DCDC2C: variants seen among roughly 807,000 people sequenced by gnomAD.
DCDC2C encodes the protein doublecortin domain-containing protein 2C.
In DCDC2C, 44 loss-of-function variants were observed where a neutral mutation model predicts 45.0. The observed-to-expected ratio is 0.98, with a 90% CI of 0.77 to 1.26. DCDC2C has a LOEUF of 1.26. Among genes scored for constraint, DCDC2C ranks in the 50% most tolerant of loss-of-function variants. The pLI, the probability that DCDC2C is intolerant of heterozygous loss-of-function variation, is 0.00. For synonymous variants in DCDC2C, 187 were observed against 178.8 expected (o/e 1.05, Z -0.37); for missense variants, 447 against 468.9 (o/e 0.95, Z 0.43).
chr2:3,800,996 G>T lies in DCDC2C; in HGVS notation c.1065+15896G>T, dbSNP rs573378860. 9.8e-5 allele frequency among the ~76,000 whole-genome samples: 15 copies of T among 152,314 alleles called. No individual in the cohort carries two copies. The South Asian group carries it at 1.5e-3, about 15-fold the overall frequency. ...CTGACCCCTGGAAGGAGAGGCAAAT[G>T]ACTCTTAGTTCTACAATGAGCATAG... On this transcript the variant is annotated intron_variant, in intron 10 of 10. Coordinates refer to ENST00000399143, the MANE Select transcript of DCDC2C (RefSeq NM_001287444.2).
chr2:3,786,888 G>A (rs1165886341), intron 10 of DCDC2C, among the ~76,000 whole-genome samples: 1 of 152,248 alleles, frequency 6.6e-6, no homozygotes, highest in Admixed American at 6.5e-5. Flanking sequence ...AATCAACGAG[G>A]CAATGGATTG....
intron 1 of DCDC2C, among the ~76,000 whole-genome samples, chr2:3,704,927 A>G (rs1294109241): frequency 6.6e-6 from 1 of 152,014 alleles, no homozygotes; most frequent in East Asian, 1.9e-4. Flanking sequence ...GCTTTCTGTG[A>G]TCTCAGCTGC....
At chr2:3,724,982 G>A (rs1668597924) in intron 2 of DCDC2C, among the ~76,000 whole-genome samples, 1 of 152,128 alleles carries the variant, frequency 6.6e-6, no homozygotes, top group African/African-American at 2.4e-5. Flanking sequence ...GTTGGGTCTG[G>A]GTTGGGAAGG....
At chr2:3,845,235 G>A (rs1007711434) in intron 10 of DCDC2C, among the ~76,000 whole-genome samples, 4 of 152,172 alleles carry the variant, frequency 2.6e-5, no homozygotes, top group Non-Finnish European at 5.9e-5. Context: ...GAACCGTGCT[G>A]GACACACAAA....
chr2:3,704,190 T>A (rs1052732911), intron 1 of DCDC2C, 152 bp downstream of exon 1: 13 of 708,748 alleles, frequency 1.8e-5, no homozygotes, highest in Non-Finnish European at 2.1e-5. Flanking sequence ...GCAGCCGGCG[T>A]CGGGCCGCCC....
intron 6 of DCDC2C, among the ~76,000 whole-genome samples, chr2:3,755,852 AT>A (rs955264401): frequency 4.0e-5 from 5 of 124,044 alleles, no homozygotes; most frequent in Admixed American, 1.7e-4. Flanking sequence ...GTATGGATGC[AT>A]ATGCATATGG....
At chr2:3,732,507 G>C (rs888330978) in intron 3 of DCDC2C, among the ~76,000 whole-genome samples, 33 of 152,228 alleles carry the variant, frequency 2.2e-4, no homozygotes, top group African/African-American at 7.0e-4. Flanking sequence ...GAACAAAACA[G>C]CACAAGGCCT....
At chr2:3,796,470 G>T (rs1438102942) in intron 10 of DCDC2C, among the ~76,000 whole-genome samples, 2 of 114,454 alleles carry the variant, frequency 1.7e-5, no homozygotes, top group Non-Finnish European at 3.5e-5. Flanking sequence ...AATGCTCCCA[G>T]TTTTTGCCCA....
At chr2:3,704,151 G>C (rs1405706638) in intron 1 of DCDC2C, 113 bp downstream of exon 1, 2 of 1,020,838 alleles carry the variant, frequency 2.0e-6, no homozygotes, top group Admixed American at 4.3e-5. Flanking sequence ...CTCCCGGCTC[G>C]GGCGCCCATC....
chr2:3,739,170 T>C (rs1669120589), intron 3 of DCDC2C, among the ~76,000 whole-genome samples: 1 of 152,180 alleles, frequency 6.6e-6, no homozygotes, highest in Admixed American at 6.5e-5. Context: ...AATGTGGAAA[T>C]CTAGAAAAGC....
chr2:3,844,628 C>G (rs1672284124), intron 10 of DCDC2C: 1 of 152,310 alleles, frequency 6.6e-6, no homozygotes, highest in African/African-American at 2.4e-5. Context: ...CATTTTTTCA[C>G]ATTATACTAA....
chr2:3,802,476 C>A (rs1266333787), intron 10 of DCDC2C, among the ~76,000 whole-genome samples: 3 of 152,142 alleles, frequency 2.0e-5, no homozygotes, highest in Non-Finnish European at 2.9e-5. Context: ...GTATAGGCTG[C>A]TATAGCAGAA....
chr2:3,846,861 G>A (rs1389138168), intron 10 of DCDC2C, among the ~76,000 whole-genome samples: 4 of 152,346 alleles, frequency 2.6e-5, no homozygotes, highest in East Asian at 1.9e-4. Context: ...AATGTGAAGC[G>A]TTGTTTTAGA....
chr2:3,839,186 C>T (rs1672152131), intron 10 of DCDC2C, among the ~76,000 whole-genome samples: 2 of 152,096 alleles, frequency 1.3e-5, no homozygotes, highest in Admixed American at 1.3e-4. Flanking sequence ...AAGGTCTTTG[C>T]TGATTTATTT....
chr2:3,779,630 C>T (rs1053201186), intron 9 of DCDC2C, among the ~76,000 whole-genome samples: 36 of 152,098 alleles, frequency 2.4e-4, no homozygotes, highest in Non-Finnish European at 1.2e-4. Flanking sequence ...AAAAGTTTGG[C>T]GGCAGTCAGG....
At chr2:3,740,336 G>T (rs2148105254) in intron 3 of DCDC2C, among the ~76,000 whole-genome samples, 1 of 152,328 alleles carries the variant, frequency 6.6e-6, no homozygotes, top group Middle Eastern at 3.4e-3. Context: ...GGTGTGGGAT[G>T]ACTGGGTTAG....
chr2:3,721,310 C>G (rs1266119970), intron 2 of DCDC2C, among the ~76,000 whole-genome samples: 1 of 151,758 alleles, frequency 6.6e-6, no homozygotes, highest in African/African-American at 2.4e-5. Flanking sequence ...CCTGCAGCAC[C>G]TGCTGCAGGG....
At chr2:3,780,175 G>A (rs1254699951) in intron 9 of DCDC2C, among the ~76,000 whole-genome samples, 3 of 152,146 alleles carry the variant, frequency 2.0e-5, no homozygotes, top group East Asian at 1.9e-4. Flanking sequence ...TCTGAGAGCA[G>A]GAGTGACAGT....
At chr2:3,715,075 T>A (rs1054675029) in intron 2 of DCDC2C, among the ~76,000 whole-genome samples, 1 of 152,268 alleles carries the variant, frequency 6.6e-6, no homozygotes. Flanking sequence ...TACATGTATA[T>A]ACTCCTAGCT....
Sources: gnomAD v4.1 joint callset for allele counts (sites outside exome capture counted in the v4.1 genomes callset) on GRCh38, gnomAD v4.1.1 for gene constraint, MANE v1.5 for transcripts, NCBI Gene and HGNC (gene_info 2026-07-23, HGNC 2026-07-21) for gene names.